WWOX: variants seen among roughly 807,000 people sequenced by gnomAD.
WWOX encodes the protein WW domain containing oxidoreductase.
In WWOX, 69 loss-of-function variants were observed where a neutral mutation model predicts 46.2. That is an observed-to-expected ratio of 1.49 (90% CI 1.23 to 1.82). The LOEUF (loss-of-function observed/expected upper bound fraction) is 1.82, where lower values mean the gene tolerates loss of function less well. WWOX is among the 40% of genes most tolerant of loss of function. The probability of loss-of-function intolerance (pLI) is 0.00; values close to 1 mark genes in which losing one functional copy is unlikely to be tolerated. For missense variants in WWOX, 919 were observed against 542.6 expected, an observed-to-expected ratio of 1.69 and a Z score of -6.89; for synonymous variants, 359 against 202.6, an observed-to-expected ratio of 1.77 and a Z score of -6.56.
chr16:78,485,677 A>G (rs563561438), intron 8 of WWOX, among the ~76,000 whole-genome samples: 3 of 152,326 alleles, frequency 2.0e-5, no homozygotes, highest in South Asian at 4.1e-4. Flanking sequence ...CAAGTGAGCA[A>G]TTGTGCTTCT....
Position 78,505,563 on chromosome 16 carries a change from G to A in WWOX, c.1056+72811G>A, listed in dbSNP as rs76600020. 1.3e-4 allele frequency among the ~76,000 whole-genome samples: 20 copies of A among 152,284 alleles called. 1 individual carries two copies. In the East Asian group the frequency reaches 3.7e-3, roughly 28 times the overall value. On this transcript the variant is annotated intron_variant, in intron 8 of 8. Transcript: ENST00000566780. ...CTGCTGGGCTCTAGAGAAGTGCTGG[G>A]CTACAGCGCCCAGTGCCCTACCTCT...
intron 5 of WWOX, among the ~76,000 whole-genome samples, chr16:78,314,109 A>T (rs2080305449): frequency 6.6e-6 from 1 of 152,098 alleles, no homozygotes; most frequent in African/African-American, 2.4e-5. Context: ...AAGCACTTCT[A>T]AGAAAGTACA....
rs145906651 is a variant in WWOX at position 78,984,125 on chromosome 16, G to T, written c.1057-227483G>T. Reference sequence around the variant, plus strand: ...GATCTCCTGACCTCGTGATCTGCCCGCCTTGGCCTCCCAAAGTGCTGGCAT... The same window carrying T: ...GATCTCCTGACCTCGTGATCTGCCCTCCTTGGCCTCCCAAAGTGCTGGCAT... On this transcript the variant is annotated intron_variant, in intron 8 of 8. Coordinates refer to ENST00000566780, the MANE Select transcript of WWOX (RefSeq NM_016373.4). Among the ~76,000 whole-genome samples, 3 of 151,960 alleles carry T rather than the reference G, an allele frequency of 2.0e-5. No homozygotes were observed. In the East Asian group the frequency reaches 5.8e-4, roughly 29 times the overall value.
At chr16:79,195,801 G>T (rs1309186827) in intron 8 of WWOX, among the ~76,000 whole-genome samples, 1 of 152,212 alleles carries the variant, frequency 6.6e-6, no homozygotes, top group Admixed American at 6.5e-5. Flanking sequence ...CAAGATCAGT[G>T]ACTGGGTGAG....
At chr16:78,955,187 G>C (rs539512045) in intron 8 of WWOX, among the ~76,000 whole-genome samples, 3 of 152,306 alleles carry the variant, frequency 2.0e-5, no homozygotes, top group African/African-American at 7.2e-5. Flanking sequence ...GACTGCAGGG[G>C]TCAGAGATCA....
intron 8 of WWOX, among the ~76,000 whole-genome samples, chr16:78,635,773 A>T (rs1227716741): frequency 6.6e-6 from 1 of 152,128 alleles, no homozygotes; most frequent in Non-Finnish European, 1.5e-5. Flanking sequence ...TTTGCCCTTG[A>T]GCTGGATGTC....
intron 8 of WWOX, among the ~76,000 whole-genome samples, chr16:79,142,942 C>T (rs2050117882): frequency 6.6e-6 from 1 of 152,022 alleles, no homozygotes; most frequent in Non-Finnish European, 1.5e-5. Flanking sequence ...GGGCTCAAGC[C>T]ACCAGCCTGC....
At position 78,316,588 on chromosome 16, in the gene WWOX, C is replaced by T. The variant is rs568179040; in HGVS notation, c.517-70272C>T. On this transcript the variant is annotated intron_variant, in intron 5 of 8. Transcript: ENST00000566780. ...AAACTCCTGGCCTCAGGTGTTCTGC[C>T]CGTCTCGGCCTCCCAAAGTGCTGGG... Among the ~76,000 whole-genome samples, 214 of 152,206 alleles carry T rather than the reference C, an allele frequency of 1.4e-3. 1 individual carries two copies. The highest frequency in any genetic ancestry group is 4.8e-3 in the African/African-American group (199 of 41,540).
At chr16:78,323,872 T>G (rs1567501015) in intron 5 of WWOX, among the ~76,000 whole-genome samples, 1 of 152,156 alleles carries the variant, frequency 6.6e-6, no homozygotes, top group Non-Finnish European at 1.5e-5. Flanking sequence ...TCTTAAGGAC[T>G]CAGAGGCCTG....
At chr16:78,292,924 TGAG>T (rs1365407945) in intron 5 of WWOX, among the ~76,000 whole-genome samples, 1 of 152,182 alleles carries the variant, frequency 6.6e-6, no homozygotes. Context: ...TGCCAGAGTG[TGAG>T]GAAATTTCAC....
At position 78,308,300 on chromosome 16, in the gene WWOX, C is replaced by G. The variant is rs566380509; in HGVS notation, c.517-78560C>G. Reference sequence around the variant, plus strand: ...CCCAAGCAACTGAATGGATCCCTGCCTCTGGGCCAAGGGGATTCCGAAATA... The same window carrying G: ...CCCAAGCAACTGAATGGATCCCTGCGTCTGGGCCAAGGGGATTCCGAAATA... On this transcript the variant is annotated intron_variant, in intron 5 of 8. Transcript: ENST00000566780. 1.1e-4 allele frequency among the ~76,000 whole-genome samples: 16 copies of G among 152,306 alleles called. No individual in the cohort carries two copies. In the South Asian group the frequency reaches 3.3e-3, roughly 32 times the overall value.
chr16:78,446,043 GCTT>G (rs1363950223), intron 8 of WWOX, among the ~76,000 whole-genome samples: 1 of 152,166 alleles, frequency 6.6e-6, no homozygotes, highest in Non-Finnish European at 1.5e-5. Context: ...GGCTTATTTT[GCTT>G]CTTTTAGATC....
At chr16:79,079,273 AG>A (rs2048716497) in intron 8 of WWOX, among the ~76,000 whole-genome samples, 1 of 152,234 alleles carries the variant, frequency 6.6e-6, no homozygotes, top group Admixed American at 6.5e-5. Context: ...TAATCACCTT[AG>A]CCCATAAGTG....
rs545062752 is a variant in WWOX, at chr16:78,632,557, A to ATTTTTTTTTTTTTTTTTTT, written c.1056+199808_1056+199826dup. Among the ~76,000 whole-genome samples the ATTTTTTTTTTTTTTTTTTT allele has an allele frequency of 2.8e-4, 21 of 74,748 alleles. 2 individuals carry two copies. The highest frequency in any genetic ancestry group is 5.6e-4 in the African/African-American group (10 of 17,976). The allele number at this position is 74,748 out of a possible 152,430, so 49.0% of individuals were successfully genotyped here. A position where few individuals can be genotyped will look rare whatever the true frequency, so the allele number is the denominator to read the frequency against. On this transcript the variant is annotated intron_variant, in intron 8 of 8. Transcript: ENST00000566780. Reference sequence around the variant, plus strand: ...CTCTCTTCCCCCACTTACTTGGCCAATTTTTTTTTTTTTTTTTTTTTGGTG... The same window carrying ATTTTTTTTTTTTTTTTTTT: ...CTCTCTTCCCCCACTTACTTGGCCAATTTTTTTTTTTTTTTTTTTTTTTTTTTTTTTTTTTTTTTTGGTG...
intron 8 of WWOX, among the ~76,000 whole-genome samples, chr16:78,900,247 T>C (rs2044797072): frequency 6.6e-6 from 1 of 152,056 alleles, no homozygotes; most frequent in African/African-American, 2.4e-5. Flanking sequence ...TCTCCTCCTG[T>C]TTTGTGTCAG....
At chr16:78,178,947 C>T (rs1325940236) in intron 5 of WWOX, among the ~76,000 whole-genome samples, 2 of 151,832 alleles carry the variant, frequency 1.3e-5, no homozygotes, top group South Asian at 2.1e-4. Context: ...ACGCGGATAA[C>T]CGAGAGCTGG....
intron 8 of WWOX, among the ~76,000 whole-genome samples, chr16:78,925,630 A>G (rs751410346): frequency 1.3e-5 from 2 of 152,166 alleles, no homozygotes; most frequent in Non-Finnish European, 2.9e-5. Flanking sequence ...GCTTCGTCAA[A>G]CTGTACAGAA....
intron 5 of WWOX, among the ~76,000 whole-genome samples, chr16:78,246,419 T>C (rs2037817333): frequency 6.6e-6 from 1 of 152,154 alleles, no homozygotes; most frequent in South Asian, 2.1e-4. Flanking sequence ...AAAGTACTTG[T>C]ACTGCTAATA....
intron 8 of WWOX, among the ~76,000 whole-genome samples, chr16:79,035,680 A>T (rs1209381748): frequency 4.6e-5 from 7 of 152,150 alleles, no homozygotes; most frequent in African/African-American, 1.7e-4. Flanking sequence ...CTGGGAGTAC[A>T]AGTGTGCACC....
Sources: allele counts gnomAD v4.1 joint callset (sites outside exome capture counted in the v4.1 genomes callset), GRCh38; gene constraint gnomAD v4.1.1; transcripts MANE v1.5; gene names NCBI Gene and HGNC (gene_info 2026-07-23, HGNC 2026-07-21).